Variants in VPS13B observed in about 807,000 individuals in gnomAD.
The protein encoded by VPS13B is intermembrane lipid transfer protein VPS13B.
Under a neutral mutation model 426.4 loss-of-function variants are expected in VPS13B, and 285 were observed. The observed-to-expected ratio is 0.67, with a 90% CI of 0.61 to 0.74. VPS13B has a LOEUF of 0.74. Among genes scored for constraint, VPS13B ranks in the 30% least tolerant of loss-of-function variants. The probability of loss-of-function intolerance (pLI) is 0.00; values close to 1 mark genes in which losing one functional copy is unlikely to be tolerated. For synonymous variants in VPS13B, 1,676 were observed against 1,676.4 expected (o/e 1.00, Z 0.01); for missense variants, 4,537 against 4,782.6 (o/e 0.95, Z 1.51).
intron 14 of VPS13B, among the ~76,000 whole-genome samples, chr8:99,151,277 T>C (rs1811064268): frequency 6.6e-6 from 1 of 152,212 alleles, no homozygotes; most frequent in Non-Finnish European, 1.5e-5. Flanking sequence ...TGGGTAACAG[T>C]CCTTTATCAG....
chr8:99,770,641 G>A (rs1184817263), intron 40 of VPS13B, among the ~76,000 whole-genome samples: 4 of 152,200 alleles, frequency 2.6e-5, no homozygotes, highest in African/African-American at 9.7e-5. Context: ...GAGGAACACA[G>A]CTAATGTACA....
intron 30 of VPS13B, 82 bp from the exon 31 acceptor site, chr8:99,556,368 T>C: frequency 7.0e-7 from 1 of 1,433,080 alleles, no homozygotes; most frequent in Non-Finnish European, 9.5e-7. Context: ...ATTGACACTA[T>C]GTTAGTGAAC....
At chr8:99,617,962 A>AT (rs59417462) in intron 33 of VPS13B, among the ~76,000 whole-genome samples, 20,879 of 151,418 alleles carry the variant, frequency 0.14, 1,991 homozygotes, top group East Asian at 0.39. Flanking sequence ...TCAGCTGTTA[A>AT]TTTTTTTTTC....
At chr8:99,330,697 G>A (rs1465642707) in intron 19 of VPS13B, among the ~76,000 whole-genome samples, 2 of 151,696 alleles carry the variant, frequency 1.3e-5, no homozygotes, top group Non-Finnish European at 2.9e-5. Flanking sequence ...GATTAGAAGG[G>A]CGTTACAGTG....
At chr8:99,852,268 A>T (rs543605032) in intron 55 of VPS13B, among the ~76,000 whole-genome samples, 9 of 152,340 alleles carry the variant, frequency 5.9e-5, no homozygotes, top group African/African-American at 2.2e-4. Flanking sequence ...GACTGTGTGG[A>T]TAGGTAGTTT....
chr8:99,205,801 G>T (rs1160036014), intron 17 of VPS13B, among the ~76,000 whole-genome samples: 2 of 152,086 alleles, frequency 1.3e-5, no homozygotes, highest in African/African-American at 4.8e-5. Flanking sequence ...GCTATTCACT[G>T]ACTAAGTCAT....
Position 99,876,490 on chromosome 8 carries a change from T to C in VPS13B, c.*824T>C. 6.6e-6 allele frequency: 1 copy of C among 152,366 alleles called. No homozygotes were observed. The highest frequency in any genetic ancestry group is 1.9e-4 in the East Asian group (1 of 5,186). The allele number at this position is 152,366 out of a possible 1,614,324, so 9.4% of individuals were successfully genotyped here. ...TGAATCCAGTCCCAAAGTGTTCAGG[T>C]GAGTTTCTCTAGTTCCATAAACAAA... is the stretch of plus-strand genomic sequence containing the variant. On this transcript the variant is annotated 3_prime_UTR_variant, in exon 62 of 62. Coordinates refer to ENST00000357162, the MANE Select transcript of VPS13B (RefSeq NM_152564.5).
intron 33 of VPS13B, among the ~76,000 whole-genome samples, chr8:99,627,599 G>A (rs906330060): frequency 5.3e-5 from 8 of 152,000 alleles, no homozygotes; most frequent in Non-Finnish European, 1.2e-4. Context: ...GGCCAGGCTG[G>A]CCTTGAACTC....
intron 39 of VPS13B, among the ~76,000 whole-genome samples, chr8:99,746,589 A>C (rs1040311337): frequency 1.5e-4 from 23 of 152,188 alleles, no homozygotes; most frequent in African/African-American, 5.5e-4. Context: ...CATTCCATAC[A>C]TCATAGTAGT....
At chr8:99,519,426 A>G (rs560095989) in intron 29 of VPS13B, among the ~76,000 whole-genome samples, 2 of 152,340 alleles carry the variant, frequency 1.3e-5, no homozygotes, top group African/African-American at 4.8e-5. Context: ...TAGAAATACC[A>G]TTTGACCCAG....
intron 33 of VPS13B, 43 bp from the exon 34 acceptor site, chr8:99,641,768 G>A (rs780369085): frequency 2.6e-6 from 4 of 1,550,068 alleles, no homozygotes; most frequent in East Asian, 2.4e-5. Flanking sequence ...ATGACACTTG[G>A]CATGTAACTA....
Position 99,575,709 on chromosome 8 carries a change from T to TG in VPS13B, c.5001_5002insG (p.Phe1668ValfsTer25). On this transcript the variant is annotated frameshift_variant, in exon 32 of 62. Coordinates refer to ENST00000357162, the MANE Select transcript of VPS13B (RefSeq NM_152564.5). LOFTEE classifies it high-confidence loss of function. ...CAATTTTGACCCCCGTTTTGACAGA[T>TG]TTTTCTGTCCGAATAACTGGAGCAC... 6.2e-7 allele frequency: 1 copy of TG among 1,613,864 alleles called. No individual in the cohort carries two copies. Among genetic ancestry groups the TG allele is most frequent in the South Asian group, 1.1e-5 (1 of 91,072 alleles).
At chr8:99,707,982 A>T (rs1286231486) in intron 36 of VPS13B, among the ~76,000 whole-genome samples, 1 of 152,222 alleles carries the variant, frequency 6.6e-6, no homozygotes, top group Non-Finnish European at 1.5e-5. Context: ...GTAAGTTTAT[A>T]TCAATTTTTC....
chr8:99,327,599 G>T (rs1810342469), intron 19 of VPS13B, among the ~76,000 whole-genome samples: 1 of 152,130 alleles, frequency 6.6e-6, no homozygotes, highest in South Asian at 2.1e-4. Context: ...AGATAGGGCA[G>T]TCAACACACT....
rs1418877508 is a variant in VPS13B at position 99,845,515 on chromosome 8, T to G, written c.9943-3261T>G. 2.6e-5 allele frequency among the ~76,000 whole-genome samples: 4 copies of G among 152,152 alleles called. No homozygotes were observed. The South Asian group carries it at 6.2e-4, about 24-fold the overall frequency. On this transcript the variant is annotated intron_variant, in intron 54 of 61. Transcript: ENST00000357162. ...TGGGTGCAGCTGGGAAGTCTGGGTG[T>G]CTCTCTCACCATTCTGTCTGTCCTC...
At chr8:99,767,755 C>T (rs1811299183) in intron 40 of VPS13B, among the ~76,000 whole-genome samples, 1 of 151,998 alleles carries the variant, frequency 6.6e-6, no homozygotes, top group East Asian at 1.9e-4. Flanking sequence ...GTGGTGAAAC[C>T]CCATCTCTAT....
chr8:99,214,445 A>G (rs1343551528), intron 17 of VPS13B, among the ~76,000 whole-genome samples: 2 of 152,212 alleles, frequency 1.3e-5, no homozygotes, highest in Non-Finnish European at 2.9e-5. Flanking sequence ...TAACATACTT[A>G]TCAGATTTTT....
chr8:99,835,588 A>G lies in VPS13B; in HGVS notation c.9792A>G (p.Ser3264=), dbSNP rs1481681988. ...VYCKKIPSEC[S]IHHELYHQIS... is the part of the protein sequence containing the mutation. The stretch of plus-strand genomic sequence containing the variant: ...GCAAAAAAATTCCCTCCGAGTGCTC[A>G]ATTCATCATGAGCTGTATCATCAGA... The change falls in exon 54 of 62, where the codon TCA becomes TCG. Residue 3264 remains serine, a synonymous_variant. Transcript: ENST00000357162. 4 of 1,614,052 alleles carry G rather than the reference A, an allele frequency of 2.5e-6. No homozygotes were observed. Among genetic ancestry groups the G allele is most frequent in the Non-Finnish European group, 3.4e-6 (4 of 1,180,040 alleles).
rs1471771443 is a variant in VPS13B at position 99,431,872 on chromosome 8, A to C, written c.3210+208A>C. 2.0e-5 allele frequency among the ~76,000 whole-genome samples: 3 copies of C among 152,070 alleles called. No homozygotes were observed. In the East Asian group the frequency reaches 5.8e-4, roughly 29 times the overall value. On this transcript the variant is annotated intron_variant, in intron 22 of 61. Coordinates refer to ENST00000357162, the MANE Select transcript of VPS13B (RefSeq NM_152564.5). ...TATGAACTTCCTTATAGTTATAAAA[A>C]TTTACACATTTTGACATGTTTCTTG...
Sources: gnomAD v4.1 joint callset for allele counts (sites outside exome capture counted in the v4.1 genomes callset) on GRCh38, gnomAD v4.1.1 for gene constraint, MANE v1.5 for transcripts, NCBI Gene and HGNC (gene_info 2026-07-23, HGNC 2026-07-21) for gene names.